Variants in NCALD observed in about 807,000 individuals in gnomAD.
The protein encoded by NCALD is neurocalcin-delta.
NCALD carries 10 observed loss-of-function variants against 18.6 expected under a neutral mutation model. The ratio of observed to expected loss-of-function variants is 0.54; its 90% CI spans 0.33 to 0.91. The LOEUF is 0.91. Among genes scored for constraint, NCALD ranks in the 40% least tolerant of loss-of-function variants. The pLI is 0.03. For synonymous variants in NCALD, 88 were observed against 87.4 expected (o/e 1.01, Z -0.04); for missense variants, 184 against 247.6 (o/e 0.74, Z 1.72).
intron 1 of NCALD, among the ~76,000 whole-genome samples, chr8:102,081,567 AAAAAAAAAAC>A (rs1824534699): frequency 4.5e-5 from 5 of 111,782 alleles, no homozygotes; most frequent in South Asian, 4.5e-4. Flanking sequence ...AAAAAAAAAA[AAAAAAAAAAC>A]CCCAAAAAAA....
intron 4 of NCALD, among the ~76,000 whole-genome samples, chr8:101,881,953 T>C (rs551394511): frequency 1.3e-5 from 2 of 152,148 alleles, no homozygotes; most frequent in Admixed American, 6.5e-5. Flanking sequence ...GTGTGAGTCA[T>C]TGATTAAGAT....
chr8:101,861,376 G>A (rs1661061613), intron 4 of NCALD, among the ~76,000 whole-genome samples: 1 of 151,840 alleles, frequency 6.6e-6, no homozygotes, highest in Non-Finnish European at 1.5e-5. Flanking sequence ...GCTTATATTG[G>A]GAGAGACCGC....
At chr8:101,784,769 A>G (rs1164192051) in intron 1 of NCALD, among the ~76,000 whole-genome samples, 1 of 152,154 alleles carries the variant, frequency 6.6e-6, no homozygotes, top group Non-Finnish European at 1.5e-5. Context: ...ACTGCACTTC[A>G]GCCTGGGCAA....
intron 2 of NCALD, among the ~76,000 whole-genome samples, chr8:101,980,496 GATAC>G: frequency 6.6e-6 from 1 of 152,136 alleles, no homozygotes; most frequent in Non-Finnish European, 1.5e-5. Context: ...AGGGTCTCAG[GATAC>G]ATAGAGAAAA....
At chr8:101,941,575 T>C (rs1432244839) in intron 2 of NCALD, among the ~76,000 whole-genome samples, 1 of 152,270 alleles carries the variant, frequency 6.6e-6, no homozygotes, top group African/African-American at 2.4e-5. Context: ...ATTCTTCTCA[T>C]GCATAACAAA....
chr8:101,811,918 G>A (rs1813318793), intron 4 of NCALD, among the ~76,000 whole-genome samples: 1 of 152,316 alleles, frequency 6.6e-6, no homozygotes, highest in Non-Finnish European at 1.5e-5. Context: ...ATCAGAGAAC[G>A]TGCTAAACAC....
intron 1 of NCALD, among the ~76,000 whole-genome samples, chr8:101,767,364 A>AAC (rs1811393151): frequency 6.6e-6 from 1 of 152,234 alleles, no homozygotes; most frequent in Non-Finnish European, 1.5e-5. Flanking sequence ...ACTGAATGGA[A>AAC]ACACACACAT....
chr8:101,804,565 ATAAT>A (rs1201246061), intron 4 of NCALD, among the ~76,000 whole-genome samples: 1 of 121,924 alleles, frequency 8.2e-6, no homozygotes, highest in Non-Finnish European at 1.6e-5. Context: ...TATATAATAT[ATAAT>A]TAATATAATT....
intron 1 of NCALD, among the ~76,000 whole-genome samples, chr8:101,781,446 C>A (rs1159150612): frequency 6.6e-6 from 1 of 152,152 alleles, no homozygotes; most frequent in Non-Finnish European, 1.5e-5. Context: ...TGACAAGGAG[C>A]ACAACATGGG....
chr8:101,892,661 T>C (rs956294034), intron 3 of NCALD, among the ~76,000 whole-genome samples: 5 of 150,048 alleles, frequency 3.3e-5, no homozygotes, highest in Non-Finnish European at 7.4e-5. Flanking sequence ...TACAGAGAAG[T>C]GCTTAAAGGA....
chr8:101,884,974 G>A (rs1816625464), intron 4 of NCALD, among the ~76,000 whole-genome samples: 1 of 152,090 alleles, frequency 6.6e-6, no homozygotes, highest in Non-Finnish European at 1.5e-5. Context: ...GGGAATTTGT[G>A]GGACATTGAA....
chr8:102,069,944 A>T (rs1270773435), intron 1 of NCALD: 1 of 152,096 alleles, frequency 6.6e-6, no homozygotes, highest in African/African-American at 2.4e-5. Flanking sequence ...GTGAAACCCC[A>T]TCTCTACTAA....
chr8:101,994,515 C>T lies in NCALD; in HGVS notation c.-157+25722G>A, dbSNP rs1350287319. ...TAGTAAACCCCAGCCCACAGGTCAA[C>T]CCTTCTGTGAAGCTTCTCCTGTCTG... is the stretch of plus-strand genomic sequence containing the variant. On this transcript the variant is annotated intron_variant, in intron 2 of 6. Transcript: ENST00000311028. Among the ~76,000 whole-genome samples the T allele has an allele frequency of 2.6e-5, 4 of 152,198 alleles. No individual in the cohort carries two copies. The East Asian group carries it at 5.8e-4, about 22-fold the overall frequency.
chr8:101,999,073 C>CAAAAAAAAAAAAAAA (rs34227411), intron 2 of NCALD, among the ~76,000 whole-genome samples: 1 of 79,372 alleles, frequency 1.3e-5, no homozygotes, highest in Non-Finnish European at 2.4e-5. Context: ...CACTCACCAT[C>CAAAAAAAAAAAAAAA]AAAAAAAAAA....
At chr8:102,007,432 T>C (rs956165350) in intron 2 of NCALD, among the ~76,000 whole-genome samples, 2 of 152,240 alleles carry the variant, frequency 1.3e-5, no homozygotes, top group Non-Finnish European at 2.9e-5. Flanking sequence ...CATCAGTTGA[T>C]ACATAAGCAT....
intron 1 of NCALD, among the ~76,000 whole-genome samples, chr8:101,741,147 C>A (rs757851072): frequency 2.6e-5 from 4 of 152,206 alleles, no homozygotes; most frequent in African/African-American, 9.6e-5. Flanking sequence ...GGAGAGGAGG[C>A]ACCCGGAATT....
chr8:101,881,879 C>T (rs1236407722), intron 4 of NCALD, among the ~76,000 whole-genome samples: 3 of 152,206 alleles, frequency 2.0e-5, no homozygotes, highest in Non-Finnish European at 4.4e-5. Flanking sequence ...CATCCTGTTA[C>T]AGCTACACAT....
chr8:102,015,716 C>A (rs973552741), intron 2 of NCALD, among the ~76,000 whole-genome samples: 21 of 152,230 alleles, frequency 1.4e-4, no homozygotes, highest in Non-Finnish European at 3.1e-4. Flanking sequence ...GCATGCCCTT[C>A]CAAGGAGAAA....
At chr8:101,705,268 T>C (rs1563674654) in intron 2 of NCALD, among the ~76,000 whole-genome samples, 1 of 151,638 alleles carries the variant, frequency 6.6e-6, no homozygotes, top group African/African-American at 2.4e-5. Context: ...AATTTAAAAA[T>C]AAAAATAAAT....
Sources: allele counts gnomAD v4.1 joint callset (sites outside exome capture counted in the v4.1 genomes callset), GRCh38; gene constraint gnomAD v4.1.1; transcripts MANE v1.5; gene names NCBI Gene and HGNC (gene_info 2026-07-23, HGNC 2026-07-21).